GPATCH1: variants seen among roughly 807,000 people sequenced by gnomAD.
GPATCH1 encodes the protein G-patch domain containing 1.
GPATCH1 carries 73 observed loss-of-function variants against 114.9 expected under a neutral mutation model. The observed-to-expected ratio is 0.64, with a 90% CI of 0.53 to 0.77. The LOEUF (loss-of-function observed/expected upper bound fraction) is 0.77. GPATCH1 is among the 30% of genes least tolerant of loss of function. The pLI is 0.00. For missense variants in GPATCH1, 1,058 were observed against 1,144.3 expected (o/e 0.92, Z 1.09); for synonymous variants, 391 against 428.4 (o/e 0.91, Z 1.08).
chr19:33,109,324 C>G (rs968345715), intron 10 of GPATCH1, among the ~76,000 whole-genome samples: 1 of 152,162 alleles, frequency 6.6e-6, no homozygotes, highest in Non-Finnish European at 1.5e-5. Flanking sequence ...TGAGACCAAC[C>G]TGGCCGACAT....
In GPATCH1 at chr19:33,097,864, A is replaced by T; in HGVS notation, c.962A>T (p.Tyr321Phe). 1 of 1,614,104 alleles carries T rather than the reference A, an allele frequency of 6.2e-7. No individual in the cohort carries two copies. The highest frequency in any genetic ancestry group is 8.5e-7 in the Non-Finnish European group (1 of 1,179,958). Residue 321 changes from tyrosine to phenylalanine, a missense_variant, in exon 8 of 20, where the codon TAT becomes TTT. By Grantham distance (22) the Tyr-to-Phe change is conservative (BLOSUM62 3). Around this residue, in one of 3 missense-constraint regions of GPATCH1, gnomAD observed 893 missense variants for 977.4 expected, o/e 0.91. Coordinates refer to ENST00000170564, the MANE Select transcript of GPATCH1 (RefSeq NM_018025.3). ...GACGAGGAGCCTGGAGACGGACTCTATGGCTGGACAGCACCCAGGCAGTAT... is the reference window on the plus strand; with the variant it reads ...GACGAGGAGCCTGGAGACGGACTCTTTGGCTGGACAGCACCCAGGCAGTAT... ...LKDEEPGDGLYGWTAPRQYKN... is the reference protein window; with the variant it reads ...LKDEEPGDGLFGWTAPRQYKN...
intron 17 of GPATCH1, among the ~76,000 whole-genome samples, chr19:33,119,724 A>G (rs1223343003): frequency 2.0e-5 from 3 of 149,338 alleles, no homozygotes; most frequent in Non-Finnish European, 4.4e-5. Context: ...GGCTGCAGCC[A>G]GGCACAATGG....
chr19:33,105,170 G>A (rs1972769311), intron 9 of GPATCH1, among the ~76,000 whole-genome samples: 1 of 152,018 alleles, frequency 6.6e-6, no homozygotes, highest in South Asian at 2.1e-4. Flanking sequence ...GGTGGCTTAC[G>A]CCTGTAATTC....
At chr19:33,129,960 A>G (rs1166621940) in intron 19 of GPATCH1, among the ~76,000 whole-genome samples, 170 bp from the exon 20 acceptor site, 1 of 151,460 alleles carries the variant, frequency 6.6e-6, no homozygotes, top group Non-Finnish European at 1.5e-5. Flanking sequence ...AAAAAAAAAA[A>G]AAAGCACAGA....
At chr19:33,118,767 G>A (rs1012223326) in intron 16 of GPATCH1, among the ~76,000 whole-genome samples, 1 of 152,194 alleles carries the variant, frequency 6.6e-6, no homozygotes, top group South Asian at 2.1e-4. Flanking sequence ...GGTGCACTTG[G>A]CACGCTGTAC....
intron 15 of GPATCH1, among the ~76,000 whole-genome samples, chr19:33,117,609 G>A (rs1284441930): frequency 6.6e-6 from 1 of 152,042 alleles, no homozygotes; most frequent in Non-Finnish European, 1.5e-5. Flanking sequence ...TTGCTTCTTT[G>A]ACCTCATCAG....
rs148710327 is a variant in GPATCH1 at position 33,093,407 on chromosome 19, G to A, written c.343G>A (p.Asp115Asn). 396 of 1,613,416 alleles carry A rather than the reference G, an allele frequency of 2.5e-4. No individual in the cohort carries two copies. The highest frequency in any genetic ancestry group is 3.2e-4 in the Non-Finnish European group (381 of 1,179,546). ...ACCTAAAGCGATTGTCACCACAGAC[G>A]ATTTTGCCTCCAAAACCAAAGACAG... Reference protein sequence around the residue: ...IAPKAIVTTDDFASKTKDRIR... With the variant: ...IAPKAIVTTDNFASKTKDRIR... The change falls in exon 4 of 20, where the codon GAT (aspartate) becomes AAT (asparagine). Residue 115 changes from aspartate (D) to asparagine (N), a missense_variant. Physicochemically the swap from Asp to Asn is conservative, Grantham distance 23. Around this residue, in one of 3 missense-constraint regions of GPATCH1, gnomAD observed 34 missense variants for 59.6 expected, o/e 0.57. Coordinates refer to ENST00000170564, the MANE Select transcript of GPATCH1 (RefSeq NM_018025.3).
At chr19:33,107,074 CTTTT>C (rs1254293409) in intron 10 of GPATCH1, among the ~76,000 whole-genome samples, 175 bp downstream of exon 10, 1 of 152,064 alleles carries the variant, frequency 6.6e-6, no homozygotes, top group Non-Finnish European at 1.5e-5. Flanking sequence ...TCTTTTACTT[CTTTT>C]TTTAAGTTTT....
At chr19:33,107,782 C>T (rs990640015) in intron 10 of GPATCH1, among the ~76,000 whole-genome samples, 2 of 152,110 alleles carry the variant, frequency 1.3e-5, no homozygotes, top group African/African-American at 4.8e-5. Context: ...GGAAGTGGTG[C>T]CACCATGATC....
chr19:33,087,183 AC>A (rs1412821961), intron 1 of GPATCH1, among the ~76,000 whole-genome samples: 3 of 152,158 alleles, frequency 2.0e-5, no homozygotes, highest in African/African-American at 7.2e-5. Flanking sequence ...TGTGACTCTC[AC>A]CCTTAACTCA....
chr19:33,094,142 A>C (rs1972628129), intron 4 of GPATCH1, 30 bp from the exon 5 acceptor site: 2 of 1,150,758 alleles, frequency 1.7e-6, no homozygotes, highest in South Asian at 2.4e-5. Context: ...TTATTTTGAA[A>C]AGTTCATTTT....
intron 2 of GPATCH1, among the ~76,000 whole-genome samples, chr19:33,089,267 G>A (rs535966105): frequency 5.3e-5 from 8 of 152,286 alleles, no homozygotes; most frequent in African/African-American, 1.9e-4. Flanking sequence ...GGGTCAGAGA[G>A]GTTAAGGAGC....
chr19:33,128,196 TC>T (rs1973064185), intron 19 of GPATCH1, among the ~76,000 whole-genome samples: 1 of 152,068 alleles, frequency 6.6e-6, no homozygotes, highest in South Asian at 2.1e-4. Flanking sequence ...CAAGGGATCC[TC>T]CCACCTCAGC....
intron 17 of GPATCH1, among the ~76,000 whole-genome samples, chr19:33,119,464 C>T (rs1040173211): frequency 1.3e-4 from 19 of 150,552 alleles, no homozygotes; most frequent in African/African-American, 4.7e-4. Flanking sequence ...CTTTGGGAGG[C>T]CGAGGTGGGC....
intron 17 of GPATCH1, among the ~76,000 whole-genome samples, chr19:33,120,290 T>C (rs1181046593): frequency 3.3e-5 from 2 of 60,976 alleles, no homozygotes; most frequent in Non-Finnish European, 2.6e-5. Context: ...ATAAAAATTA[T>C]ATATAAAATT....
At chr19:33,093,903 T>G (rs1398041563) in intron 4 of GPATCH1, among the ~76,000 whole-genome samples, 1 of 152,160 alleles carries the variant, frequency 6.6e-6, no homozygotes, top group Non-Finnish European at 1.5e-5. Context: ...CCAGGCCACA[T>G]GCTTAGCAAA....
intron 18 of GPATCH1, 71 bp downstream of exon 18, chr19:33,125,273 A>G: frequency 6.6e-7 from 1 of 1,516,720 alleles, no homozygotes; most frequent in Non-Finnish European, 8.9e-7. Context: ...GGAGTGTCAT[A>G]TACTGCAGCT....
chr19:33,091,801 G>A (rs1461612307), intron 3 of GPATCH1, among the ~76,000 whole-genome samples: 2 of 152,160 alleles, frequency 1.3e-5, no homozygotes, highest in East Asian at 1.9e-4. Flanking sequence ...CAGCATGTGC[G>A]AGGCTGCAGG....
intron 13 of GPATCH1, 94 bp from the exon 14 acceptor site, chr19:33,113,673 C>A: frequency 2.9e-6 from 3 of 1,050,614 alleles, no homozygotes; most frequent in Admixed American, 2.1e-5. Context: ...TTTAGTCATG[C>A]AGAAGAGGTG....
Sources: allele counts gnomAD v4.1 joint callset (sites outside exome capture counted in the v4.1 genomes callset), GRCh38; gene constraint gnomAD v4.1.1; regional missense constraint gnomAD v4.1.1; transcripts MANE v1.5; gene names NCBI Gene and HGNC (gene_info 2026-07-23, HGNC 2026-07-21).